KDR: variants seen among roughly 807,000 people sequenced by gnomAD.
KDR encodes the protein kinase insert domain receptor.
Under a neutral mutation model 160.9 loss-of-function variants are expected in KDR, and 43 were observed. The observed-to-expected ratio is 0.27, with a 90% CI of 0.21 to 0.34. KDR has a LOEUF of 0.34. Among genes scored for constraint, KDR ranks in the 10% least tolerant of loss-of-function variants. The pLI is 1.00. For synonymous variants in KDR, 617 were observed against 600.1 expected (o/e 1.03, Z -0.41); for missense variants, 1,469 against 1,666.4 (o/e 0.88, Z 2.06).
In KDR at chr4:55,101,841, C is replaced by T. The variant is rs142874477; in HGVS notation, c.2266+56G>A. On this transcript the variant is annotated intron_variant, in intron 15 of 29. Transcript: ENST00000263923. The stretch of plus-strand genomic sequence containing the variant: ...AAGGACATGATCAGATTCCTTTTTA[C>T]GGCTGCATAGCATTCCATGGTGTAT... 283 of 1,441,476 alleles carry T rather than the reference C, an allele frequency of 2.0e-4. 2 individuals carry two copies. The highest frequency in any genetic ancestry group is 1.6e-3 in the African/African-American group (112 of 72,068). The allele number at this position is 1,441,476 out of a possible 1,614,324, so 89.3% of individuals were successfully genotyped here. A position where few individuals can be genotyped will look rare whatever the true frequency, so the allele number is the denominator to read the frequency against.
chr4:55,114,253 T>G lies in KDR; in HGVS notation c.671A>C (p.Tyr224Ser). 6.2e-7 allele frequency: 1 copy of G among 1,613,858 alleles called. No individual in the cohort carries two copies. The highest frequency in any genetic ancestry group is 8.5e-7 in the Non-Finnish European group (1 of 1,179,866). Residue 224 changes from tyrosine (Y) to serine (S), a missense_variant, in exon 6 of 30, where the codon TAT becomes TCT. By Grantham distance (144) the Tyr-to-Ser change is moderately radical (BLOSUM62 -2). Around this residue, in one of 7 missense-constraint regions of KDR, gnomAD observed 792 missense variants for 840.9 expected, o/e 0.94. Coordinates refer to ENST00000263923, the MANE Select transcript of KDR (RefSeq NM_002253.4). ...ATGAGACGGACTCAGAACCACATCA[T>G]AAATCCTATACCCTAGAGCAAGTAA... ...YIVVVVGYRI[Y>S]DVVLSPSHGI... is the part of the protein sequence containing the mutation.
intron 13 of KDR, 54 bp from the exon 14 acceptor site, chr4:55,102,562 T>C: frequency 6.3e-7 from 1 of 1,598,324 alleles, no homozygotes; most frequent in Non-Finnish European, 8.6e-7. Context: ...TTTGAAATGG[T>C]TCTGGTATCA....
At chr4:55,124,803 G>A (rs1460153950) in intron 1 of KDR, among the ~76,000 whole-genome samples, 1 of 152,204 alleles carries the variant, frequency 6.6e-6, no homozygotes. Flanking sequence ...CCCGGCCTGA[G>A]ATTCCGGCAA....
rs1031416918 is a variant in KDR at position 55,118,626 on chromosome 4, C to T, written c.336G>A (p.Ser112=). Reference sequence around the variant, plus strand: ...TACCTTGAACATAGACATAAATGACCGAGGCCAAGTCAGTTTCCCGGTAGA... The same window carrying T: ...TACCTTGAACATAGACATAAATGACTGAGGCCAAGTCAGTTTCCCGGTAGA... The part of the protein sequence containing the change: ...KCFYRETDLA[S]VIYVYVQDYR... Residue 112 remains serine, a synonymous_variant, in exon 3 of 30, where the codon TCG becomes TCA. Transcript: ENST00000263923. The T allele has an allele frequency of 6.2e-7, 1 of 1,613,950 alleles. No individual in the cohort carries two copies. Among genetic ancestry groups the T allele is most frequent in the Non-Finnish European group, 8.5e-7 (1 of 1,179,912 alleles).
At chr4:55,104,585 C>T (rs761092963) in intron 13 of KDR, 58 bp downstream of exon 13, 1 of 1,310,512 alleles carries the variant, frequency 7.6e-7, no homozygotes, top group South Asian at 1.2e-5. Flanking sequence ...ACCTGAATTG[C>T]ACTACATTTA....
Position 55,107,787 on chromosome 4 carries a change from A to T in KDR, c.1362T>A (p.His454Gln), listed in dbSNP as rs139156665. ...CCAACTGCCAATACCAGTGGATGTG[A>T]TGCGGGGGAGGAATGGCATAGACCG... is the stretch of plus-strand genomic sequence containing the variant. Reference protein sequence around the residue: ...TCTVYAIPPPHHIHWYWQLEE... With the variant: ...TCTVYAIPPPQHIHWYWQLEE... Residue 454 changes from histidine (H) to glutamine (Q), a missense_variant, in exon 10 of 30, where the codon CAT (histidine) becomes CAA (glutamine). Physicochemically the swap from His to Gln is conservative, Grantham distance 24. Around this residue, in one of 7 missense-constraint regions of KDR, gnomAD observed 792 missense variants for 840.9 expected, o/e 0.94. Transcript: ENST00000263923. 1.2e-4 allele frequency: 193 copies of T among 1,613,884 alleles called. No individual in the cohort carries two copies. Among genetic ancestry groups the T allele is most frequent in the Non-Finnish European group, 1.3e-4 (156 of 1,179,930 alleles).
chr4:55,086,836 G>A lies in KDR; in HGVS notation c.3662+771C>T, dbSNP rs141962188. Among the ~76,000 whole-genome samples, 99 of 152,278 alleles carry A rather than the reference G, an allele frequency of 6.5e-4. 1 individual carries two copies. The highest frequency in any genetic ancestry group is 2.1e-3 in the African/African-American group (88 of 41,554). On this transcript the variant is annotated intron_variant, in intron 27 of 29. Coordinates refer to ENST00000263923, the MANE Select transcript of KDR (RefSeq NM_002253.4). ...CAGGCACACTCGGGCTGGCAGGCTG[G>A]ACCCATGCTGTCAGGGGTTCCATTA... is the stretch of plus-strand genomic sequence containing the variant.
rs755547740 is a variant in KDR at position 55,098,783 on chromosome 4, A to G, written c.2287T>C (p.Leu763=). ...IIEGAQEKTN[L]EIIILVGTAV... ...GTGCCTACTAGAATAATGATTTCCA[A>G]GTTCGTCTTTTCCTGGGCACCTGGA... The change falls in exon 16 of 30, where the codon TTG becomes CTG. Residue 763 remains leucine, a synonymous_variant. Coordinates refer to ENST00000263923, the MANE Select transcript of KDR (RefSeq NM_002253.4). The G allele has an allele frequency of 6.2e-7, 1 of 1,613,110 alleles. No homozygotes were observed. The highest frequency in any genetic ancestry group is 2.2e-5 in the East Asian group (1 of 44,840).
chr4:55,089,946 T>C lies in KDR; in HGVS notation c.3192+10A>G, dbSNP rs753007562. 6.2e-7 allele frequency: 1 copy of C among 1,614,098 alleles called. No individual in the cohort carries two copies. The highest frequency in any genetic ancestry group is 8.5e-7 in the Non-Finnish European group (1 of 1,179,950). ...CTTAACCAAGCACTGGGTTCATATT[T>C]GAAACTTACATCTCCTTTTCTGACA... On this transcript the variant is annotated intron_variant, in intron 23 of 29. Transcript: ENST00000263923.
rs749829755 is a variant in KDR at position 55,125,244 on chromosome 4, G to T, written c.50C>A (p.Thr17Asn). The stretch of plus-strand genomic sequence containing the variant: ...CTCCTTACCCACAGAGGCGGCCCGG[G>T]TCTCCACGCAGAGCCACAGGGCGAC... ...LAVALWLCVE[T>N]RAASVGLPSV... Residue 17 changes from threonine to asparagine, a missense_variant, in exon 1 of 30, where the codon ACC becomes AAC. Thr to Asn is a moderately conservative substitution (Grantham distance 65). Around this residue, in one of 7 missense-constraint regions of KDR, gnomAD observed 792 missense variants for 840.9 expected, o/e 0.94. Transcript: ENST00000263923. The T allele has an allele frequency of 4.3e-6, 7 of 1,612,984 alleles. No individual in the cohort carries two copies. Among genetic ancestry groups the T allele is most frequent in the African/African-American group, 2.7e-5 (2 of 75,044 alleles).
In KDR at chr4:55,118,812, A is replaced by G; in HGVS notation, c.162-12T>C. Reference sequence around the variant, plus strand: ...AGTCCCTCTGTCCCCTGAAAAATTAATTTCAGGGAGGTATTAATATGAAGT... The same window carrying G: ...AGTCCCTCTGTCCCCTGAAAAATTAGTTTCAGGGAGGTATTAATATGAAGT... On this transcript the variant is annotated splice_polypyrimidine_tract_variant and intron_variant, in intron 2 of 29. Transcript: ENST00000263923. The G allele has an allele frequency of 1.9e-6, 3 of 1,608,910 alleles. No individual in the cohort carries two copies. Among genetic ancestry groups the G allele is most frequent in the African/African-American group, 1.3e-5 (1 of 74,942 alleles).
Position 55,125,309 on chromosome 4 carries a change from G to A in KDR, c.-16C>T, listed in dbSNP as rs369451909. The A allele has an allele frequency of 1.9e-5, 30 of 1,607,424 alleles. No individual in the cohort carries two copies. Among genetic ancestry groups the A allele is most frequent in the Non-Finnish European group, 2.4e-5 (28 of 1,177,552 alleles). On this transcript the variant is annotated 5_prime_UTR_variant, in exon 1 of 30. Coordinates refer to ENST00000263923, the MANE Select transcript of KDR (RefSeq NM_002253.4). Reference sequence around the variant, plus strand: ...TGCTCTGCATCCTGCACCTCGAGCCGGGCGAAATGCCCAGAACTCGGGAGC... The same window carrying A: ...TGCTCTGCATCCTGCACCTCGAGCCAGGCGAAATGCCCAGAACTCGGGAGC...
chr4:55,120,979 C>A, intron 2 of KDR, 118 bp downstream of exon 2: 2 of 686,398 alleles, frequency 2.9e-6, no homozygotes, highest in Non-Finnish European at 5.0e-6. Context: ...AGAAACCTCA[C>A]CACTTATGAA....
chr4:55,087,953 G>A (rs932372961), intron 26 of KDR, among the ~76,000 whole-genome samples, 195 bp from the exon 27 acceptor site: 1 of 152,194 alleles, frequency 6.6e-6, no homozygotes, highest in Non-Finnish European at 1.5e-5. Context: ...TATATTAAAG[G>A]AGAGAACTAA....
rs745341037 is a variant in KDR at position 55,114,116 on chromosome 4, T to C, written c.798+10A>G. The C allele has an allele frequency of 3.1e-6, 5 of 1,613,812 alleles. No individual in the cohort carries two copies. The highest frequency in any genetic ancestry group is 4.2e-6 in the Non-Finnish European group (5 of 1,179,840). ...TATTTGGAGGTCTGGCTTTGAATCA[T>C]TAGCGTTACCTTCGAAGAAGGGTAT... is the stretch of plus-strand genomic sequence containing the variant. On this transcript the variant is annotated intron_variant, in intron 6 of 29. Coordinates refer to ENST00000263923, the MANE Select transcript of KDR (RefSeq NM_002253.4).
chr4:55,110,591 T>A (rs2110027716), intron 8 of KDR, 25 bp from the exon 9 acceptor site: 1 of 1,613,066 alleles, frequency 6.2e-7, no homozygotes, highest in Non-Finnish European at 8.5e-7. Flanking sequence ...TCTCAGGAAT[T>A]AGTATAGTCA....
At position 55,125,575 on chromosome 4, in the gene KDR, C is replaced by T. The variant is rs536711745; in HGVS notation, c.-282G>A. ...GCAGCGACCACACATTGACCGCTCTCCCGGGGTCCCGGGACTCAGTGCAGG... is the reference window on the plus strand; with the variant it reads ...GCAGCGACCACACATTGACCGCTCTTCCGGGGTCCCGGGACTCAGTGCAGG... On this transcript the variant is annotated 5_prime_UTR_variant, in exon 1 of 30. Coordinates refer to ENST00000263923, the MANE Select transcript of KDR (RefSeq NM_002253.4). 6.9e-6 allele frequency: 4 copies of T among 576,924 alleles called. No homozygotes were observed. The highest frequency in any genetic ancestry group is 2.8e-5 in the East Asian group (1 of 35,146). 35.7% of individuals were successfully genotyped at this position (576,924 alleles called of 1,614,324 possible). A position where few individuals can be genotyped will look rare whatever the true frequency, so the allele number is the denominator to read the frequency against.
intron 2 of KDR, 86 bp downstream of exon 2, chr4:55,121,011 T>C (rs1249644782): frequency 9.9e-6 from 9 of 906,164 alleles, no homozygotes; most frequent in South Asian, 8.6e-5. Context: ...AGCTCTATTA[T>C]AATTCTGCTC....
chr4:55,104,726 T>A lies in KDR; in HGVS notation c.1904A>T (p.Gln635Leu), dbSNP rs1720396641. The A allele has an allele frequency of 6.2e-7, 1 of 1,613,856 alleles. No homozygotes were observed. The highest frequency in any genetic ancestry group is 8.5e-7 in the Non-Finnish European group (1 of 1,179,820). The change falls in exon 13 of 30, where the codon CAG becomes CTG. Residue 635 changes from glutamine to leucine, a missense_variant. Coordinates refer to ENST00000263923, the MANE Select transcript of KDR (RefSeq NM_002253.4). ...LIMELKNASL[Q>L]DQGDYVCLAQ... ...AAGGCAGACATAGTCTCCTTGGTCC[T>A]GCAAGGATGCATTCTTAAGCTCCAT...
Sources: gnomAD v4.1 joint callset for allele counts (sites outside exome capture counted in the v4.1 genomes callset) on GRCh38, gnomAD v4.1.1 for gene constraint, gnomAD v4.1.1 regional missense constraint, MANE v1.5 for transcripts, NCBI Gene and HGNC (gene_info 2026-07-23, HGNC 2026-07-21) for gene names.